GALNTL6: variants seen among roughly 807,000 people sequenced by gnomAD.
The protein encoded by GALNTL6 is polypeptide N-acetylgalactosaminyltransferase like 6, also known as polypeptide N-acetylgalactosaminyltransferase-like 6.
GALNTL6 carries 46 observed loss-of-function variants against 73.7 expected under a neutral mutation model. That is an observed-to-expected ratio of 0.62 (90% CI 0.49 to 0.80). The LOEUF is 0.80. Among genes scored for constraint, GALNTL6 ranks in the 30% least tolerant of loss-of-function variants. The probability of loss-of-function intolerance (pLI) is 0.00; values close to 1 mark genes in which losing one functional copy is unlikely to be tolerated. For synonymous variants in GALNTL6, 259 were observed against 263.7 expected (o/e 0.98, Z 0.17); for missense variants, 604 against 755.0 (o/e 0.80, Z 2.34).
chr4:171,828,235 G>C (rs112821317), intron 2 of GALNTL6, among the ~76,000 whole-genome samples: 1 of 152,118 alleles, frequency 6.6e-6, no homozygotes, highest in Non-Finnish European at 1.5e-5. Flanking sequence ...CAAGTATCAC[G>C]AGCATCTGCT....
chr4:172,629,424 T>C (rs1739298386), intron 5 of GALNTL6, among the ~76,000 whole-genome samples: 1 of 152,180 alleles, frequency 6.6e-6, no homozygotes, highest in Non-Finnish European at 1.5e-5. Flanking sequence ...TGAATTTTGG[T>C]ATGAGATTAT....
At chr4:172,096,059 T>A (rs1732343210) in intron 2 of GALNTL6, among the ~76,000 whole-genome samples, 1 of 146,564 alleles carries the variant, frequency 6.8e-6, no homozygotes, top group South Asian at 2.3e-4. Flanking sequence ...GCTGTCATAT[T>A]TTCGATTTCT....
intron 5 of GALNTL6, among the ~76,000 whole-genome samples, chr4:172,719,964 T>C (rs766813518): frequency 2.6e-5 from 4 of 152,182 alleles, no homozygotes; most frequent in Non-Finnish European, 5.9e-5. Context: ...TAAACTGTCA[T>C]GGCGCTGATG....
chr4:172,553,981 T>A (rs1170170251), intron 5 of GALNTL6, among the ~76,000 whole-genome samples: 1 of 152,092 alleles, frequency 6.6e-6, no homozygotes, highest in Non-Finnish European at 1.5e-5. Flanking sequence ...GTGACTATGA[T>A]TGGATCCCTG....
intron 10 of GALNTL6, among the ~76,000 whole-genome samples, chr4:172,988,945 G>A (rs901473365): frequency 6.6e-6 from 1 of 152,228 alleles, no homozygotes; most frequent in Non-Finnish European, 1.5e-5. Context: ...GAAGTCTGCT[G>A]CAGGGGCCTG....
intron 5 of GALNTL6, among the ~76,000 whole-genome samples, chr4:172,617,145 G>C (rs531986941): frequency 6.6e-6 from 1 of 151,894 alleles, no homozygotes; most frequent in Non-Finnish European, 1.5e-5. Context: ...GTGTTTGTTT[G>C]TGTGTGTGCG....
intron 3 of GALNTL6, among the ~76,000 whole-genome samples, chr4:172,292,210 T>C (rs976533874): frequency 2.6e-5 from 4 of 152,034 alleles, no homozygotes; most frequent in African/African-American, 9.7e-5. Flanking sequence ...AATATGATTT[T>C]GAAGAGATCT....
intron 9 of GALNTL6, among the ~76,000 whole-genome samples, chr4:172,939,311 C>T (rs1303828513): frequency 6.6e-6 from 1 of 151,998 alleles, no homozygotes; most frequent in Non-Finnish European, 1.5e-5. Flanking sequence ...TAAAACAAAA[C>T]AACATAAAAT....
chr4:172,563,281 G>A (rs1254215331), intron 5 of GALNTL6, among the ~76,000 whole-genome samples: 2 of 151,938 alleles, frequency 1.3e-5, no homozygotes, highest in African/African-American at 4.8e-5. Context: ...ATGATAACCA[G>A]GATTAAACAC....
At chr4:172,246,404 G>A (rs1245689487) in intron 3 of GALNTL6, among the ~76,000 whole-genome samples, 3 of 152,060 alleles carry the variant, frequency 2.0e-5, no homozygotes, top group Non-Finnish European at 4.4e-5. Flanking sequence ...TAAAGAAATA[G>A]TAATCATTAA....
chr4:172,481,278 C>G (rs1248174570), intron 5 of GALNTL6, among the ~76,000 whole-genome samples: 2 of 152,040 alleles, frequency 1.3e-5, no homozygotes, highest in Non-Finnish European at 2.9e-5. Context: ...GGTTTGTGGT[C>G]TCGCAGGCCT....
intron 8 of GALNTL6, among the ~76,000 whole-genome samples, chr4:172,900,625 AAAAAG>A (rs1746577806): frequency 6.6e-6 from 1 of 152,196 alleles, no homozygotes; most frequent in African/African-American, 2.4e-5. Flanking sequence ...CCTTAAAGAA[AAAAAG>A]AAAAGCATTA....
chr4:172,759,512 T>A (rs935214472), intron 5 of GALNTL6, among the ~76,000 whole-genome samples: 4 of 152,206 alleles, frequency 2.6e-5, no homozygotes, highest in African/African-American at 9.6e-5. Context: ...TAGTTGAAAA[T>A]GCCTCTTGTC....
chr4:172,896,414 CA>C (rs1391524198), intron 8 of GALNTL6, among the ~76,000 whole-genome samples: 1 of 152,176 alleles, frequency 6.6e-6, no homozygotes, highest in Non-Finnish European at 1.5e-5. Context: ...TGTGGTTTCT[CA>C]GTCCAGACAG....
intron 2 of GALNTL6, among the ~76,000 whole-genome samples, chr4:171,841,274 G>T (rs893738010): frequency 6.6e-6 from 1 of 152,014 alleles, no homozygotes; most frequent in African/African-American, 2.4e-5. Flanking sequence ...GGTGGATAAA[G>T]TGAAAAAAGA....
In GALNTL6 at chr4:173,040,018, C is replaced by G; in HGVS notation, c.1724C>G (p.Pro575Arg). The change falls in exon 13 of 13, where the codon CCT becomes CGT. Residue 575 changes from proline to arginine, a missense_variant. This residue lies in a region of GALNTL6 where 261 missense variants were observed against 296.5 expected (regional missense o/e 0.88). Coordinates refer to ENST00000506823, the MANE Select transcript of GALNTL6 (RefSeq NM_001034845.3). ...AAGATTTTCATGGCCAGATGTGACC[C>G]TCTCTCTGAGACTCAGCAGTGGATT... is the stretch of plus-strand genomic sequence containing the variant. ...EKKIFMARCDPLSETQQWIFE... is the reference protein window; with the variant it reads ...EKKIFMARCDRLSETQQWIFE... 6.2e-7 allele frequency: 1 copy of G among 1,613,252 alleles called. No individual in the cohort carries two copies. The highest frequency in any genetic ancestry group is 1.3e-5 in the African/African-American group (1 of 75,012).
chr4:172,897,837 T>C (rs1018202291), intron 8 of GALNTL6, among the ~76,000 whole-genome samples: 1 of 152,194 alleles, frequency 6.6e-6, no homozygotes, highest in Admixed American at 6.5e-5. Context: ...TTTGGTGATG[T>C]TGCTCCTCCC....
At chr4:172,329,865 C>T (rs1284963895) in intron 4 of GALNTL6, among the ~76,000 whole-genome samples, 1 of 152,156 alleles carries the variant, frequency 6.6e-6, no homozygotes, top group African/African-American at 2.4e-5. Context: ...CAGGAGGTCC[C>T]ACTTACTGAA....
intron 3 of GALNTL6, among the ~76,000 whole-genome samples, chr4:172,300,919 T>C (rs575201893): frequency 2.7e-4 from 41 of 152,336 alleles, no homozygotes; most frequent in African/African-American, 9.6e-4. Flanking sequence ...TGGCCTGCCT[T>C]GCTAGATTGG....
Sources: allele counts gnomAD v4.1 joint callset (sites outside exome capture counted in the v4.1 genomes callset), GRCh38; gene constraint gnomAD v4.1.1; regional missense constraint gnomAD v4.1.1; transcripts MANE v1.5; gene names NCBI Gene and HGNC (gene_info 2026-07-23, HGNC 2026-07-21).